The following HPS3 variants were observed in gnomAD, a reference collection of about 807,000 sequenced individuals.
HPS3 encodes the protein HPS3 biogenesis of lysosomal organelles complex 2 subunit 1.
A neutral mutation model predicts 110.9 loss-of-function variants in HPS3; 79 were observed. The observed-to-expected ratio is 0.71, with a 90% CI of 0.59 to 0.86. The LOEUF (loss-of-function observed/expected upper bound fraction) is 0.86, where lower values mean the gene tolerates loss of function less well. Among genes scored for constraint, HPS3 ranks in the 40% least tolerant of loss-of-function variants. The probability of loss-of-function intolerance (pLI) is 0.00; values close to 1 mark genes in which losing one functional copy is unlikely to be tolerated. For missense variants in HPS3, 1,197 were observed against 1,206.2 expected, an observed-to-expected ratio of 0.99 and a Z score of 0.11; for synonymous variants, 428 against 451.0, an observed-to-expected ratio of 0.95 and a Z score of 0.65.
Position 149,162,305 on chromosome 3 carries a change from G to C in HPS3, c.2264G>C (p.Gly755Ala). The C allele has an allele frequency of 1.2e-6, 2 of 1,613,942 alleles. No homozygotes were observed. The highest frequency in any genetic ancestry group is 1.7e-6 in the Non-Finnish European group (2 of 1,179,904). The change falls in exon 12 of 17, where the codon GGA becomes GCA. Residue 755 changes from glycine (G) to alanine (A), a missense_variant. Gly to Ala is a moderately conservative substitution (Grantham distance 60). Transcript: ENST00000296051. ...VLGLQKNNKI[G>A]IEEADSFFKV... ...GGCTTGCAGAAGAACAACAAAATTG[G>C]AATTGAAGAAGCAGATTCCTTTTTT...
chr3:149,155,730 T>C (rs1723420964), intron 8 of HPS3, among the ~76,000 whole-genome samples: 1 of 152,134 alleles, frequency 6.6e-6, no homozygotes, highest in African/African-American at 2.4e-5. Flanking sequence ...AACTCTTTAT[T>C]TTGAAACAAT....
rs1360046176 is a variant in HPS3 at position 149,150,628 on chromosome 3, G to A, written c.1193G>A (p.Cys398Tyr). The change falls in exon 6 of 17, where the codon TGC becomes TAC. Residue 398 changes from cysteine (C) to tyrosine (Y), a missense_variant. Cys to Tyr is a radical substitution (Grantham distance 194). Transcript: ENST00000296051. Reference sequence around the variant, plus strand: ...AACCTGCAGTGTTTCACTGTGCGGTGCAGTGCGGCGGCAGCTCGTGAGGAG... The same window carrying A: ...AACCTGCAGTGTTTCACTGTGCGGTACAGTGCGGCGGCAGCTCGTGAGGAG... ...SNNLQCFTVR[C>Y]SAAAAREEDP... 1 of 1,614,118 alleles carries A rather than the reference G, an allele frequency of 6.2e-7. No individual in the cohort carries two copies. Among genetic ancestry groups the A allele is most frequent in the Admixed American group, 1.7e-5 (1 of 60,016 alleles).
At chr3:149,168,056 A>G in intron 16 of HPS3, 73 bp downstream of exon 16, 1 of 917,030 alleles carries the variant, frequency 1.1e-6, no homozygotes, top group South Asian at 1.4e-5. Context: ...CTTCTTAAGT[A>G]TTTTCATGTG....
At position 149,155,172 on chromosome 3, in the gene HPS3, A is replaced by G. The variant is rs759932177; in HGVS notation, c.1466A>G (p.Tyr489Cys). The G allele has an allele frequency of 6.2e-7, 1 of 1,605,246 alleles. No homozygotes were observed. Among genetic ancestry groups the G allele is most frequent in the Non-Finnish European group, 8.5e-7 (1 of 1,171,930 alleles). The change falls in exon 8 of 17, where the codon TAT (tyrosine) becomes TGT (cysteine). Residue 489 changes from tyrosine to cysteine, a missense_variant. By Grantham distance (194) the Tyr-to-Cys change is radical. Transcript: ENST00000296051. ...GTAGCTGAGGCTGGGTGGAATTTGT[A>G]TATTGTGAATACGATCTCACCAGTG... ...PPVAEAGWNL[Y>C]IVNTISPVQL...
intron 16 of HPS3, 48 bp from the exon 17 acceptor site, chr3:149,172,047 A>G (rs908683360): frequency 6.3e-7 from 1 of 1,591,076 alleles, no homozygotes; most frequent in Admixed American, 1.7e-5. Context: ...AAGAGATTGA[A>G]TGAAAGACAG....
intron 7 of HPS3, chr3:149,153,893 A>G (rs1723286909): frequency 1.9e-6 from 1 of 535,138 alleles, no homozygotes; most frequent in South Asian, 2.1e-5. Context: ...AAGGTGTTTT[A>G]GATTAGTTAA....
intron 5 of HPS3, among the ~76,000 whole-genome samples, chr3:149,147,261 G>A (rs1416565635): frequency 6.6e-6 from 1 of 152,190 alleles, no homozygotes; most frequent in Non-Finnish European, 1.5e-5. Flanking sequence ...ATAATGCTAA[G>A]TAGGCTTTTG....
intron 4 of HPS3, among the ~76,000 whole-genome samples, chr3:149,142,521 C>T (rs1722535581): frequency 6.6e-6 from 1 of 152,176 alleles, no homozygotes; most frequent in African/African-American, 2.4e-5. Context: ...AAAAACTCCC[C>T]AAGAGTCTAA....
intron 7 of HPS3, 21 bp from the exon 8 acceptor site, chr3:149,155,086 T>G (rs1723359857): frequency 8.3e-7 from 1 of 1,201,412 alleles, no homozygotes; most frequent in South Asian, 1.2e-5. Context: ...TTAAAATTCT[T>G]GTCCTTTGTT....
chr3:149,151,942 T>G (rs1723156112), intron 6 of HPS3, among the ~76,000 whole-genome samples: 1 of 152,214 alleles, frequency 6.6e-6, no homozygotes, highest in Admixed American at 6.5e-5. Context: ...GTGTCTGAGA[T>G]ACTCTTTCAC....
At chr3:149,166,109 C>A in intron 14 of HPS3, 1 of 425,310 alleles carries the variant, frequency 2.4e-6, no homozygotes, top group Non-Finnish European at 4.7e-6. Context: ...CATCTTTATC[C>A]TGGAGAAAGG....
intron 5 of HPS3, among the ~76,000 whole-genome samples, chr3:149,149,920 G>A (rs1346819094): frequency 2.0e-5 from 3 of 152,170 alleles, no homozygotes; most frequent in Non-Finnish European, 4.4e-5. Flanking sequence ...AAGCAGCCTG[G>A]AGTTGTGGAA....
chr3:149,160,062 T>G lies in HPS3; in HGVS notation c.1889T>G (p.Val630Gly). ...EELNEELAAK[V>G]VQMFYVAEPK... The stretch of plus-strand genomic sequence containing the variant: ...TCACCAAAGGAATTAGCAGCAAAAG[T>G]GGTTCAGATGTTTTATGTGGCTGAG... Residue 630 changes from valine (V) to glycine (G), a missense_variant, in exon 11 of 17, where the codon GTG becomes GGG. Transcript: ENST00000296051. 1 of 1,613,718 alleles carries G rather than the reference T, an allele frequency of 6.2e-7. No individual in the cohort carries two copies. Among genetic ancestry groups the G allele is most frequent in the Non-Finnish European group, 8.5e-7 (1 of 1,179,652 alleles).
At position 149,152,258 on chromosome 3, in the gene HPS3, G is replaced by A. The variant is rs528212402; in HGVS notation, c.1246-1236G>A. ...TTGTCCTCTTCTTTCCCCTCCTTGC[G>A]TTTTCAAACCTCAGAAAGACATAGG... On this transcript the variant is annotated intron_variant, in intron 6 of 16. Transcript: ENST00000296051. Among the ~76,000 whole-genome samples, 29 of 152,196 alleles carry A rather than the reference G, an allele frequency of 1.9e-4. 1 individual carries two copies. Among genetic ancestry groups the A allele is most frequent in the South Asian group, 1.2e-3 (6 of 4,824 alleles).
At chr3:149,150,242 A>T (rs746146426) in intron 5 of HPS3, among the ~76,000 whole-genome samples, 4 of 152,160 alleles carry the variant, frequency 2.6e-5, no homozygotes, top group Non-Finnish European at 5.9e-5. Flanking sequence ...TTGGGCAGGT[A>T]CTGGGGGCAT....
chr3:149,162,296 A>C lies in HPS3; in HGVS notation c.2255A>C (p.Asn752Thr), dbSNP rs575460100. The C allele has an allele frequency of 1.2e-6, 2 of 1,614,056 alleles. No individual in the cohort carries two copies. The highest frequency in any genetic ancestry group is 1.7e-5 in the Admixed American group (1 of 59,990). Residue 752 changes from asparagine to threonine, a missense_variant, in exon 12 of 17, where the codon AAC (asparagine) becomes ACC (threonine). By Grantham distance (65) the Asn-to-Thr change is moderately conservative. Coordinates refer to ENST00000296051, the MANE Select transcript of HPS3 (RefSeq NM_032383.5). ...VASVLGLQKN[N>T]KIGIEEADSF... The stretch of plus-strand genomic sequence containing the variant: ...TCAGTTCTGGGCTTGCAGAAGAACA[A>C]CAAAATTGGAATTGAAGAAGCAGAT...
intron 6 of HPS3, 87 bp from the exon 7 acceptor site, chr3:149,153,407 A>T: frequency 8.4e-7 from 1 of 1,191,032 alleles, no homozygotes; most frequent in Non-Finnish European, 1.2e-6. Flanking sequence ...AGCAGAAGAG[A>T]TTTGATCAAA....
chr3:149,137,788 T>C (rs1439617768), intron 1 of HPS3, among the ~76,000 whole-genome samples: 2 of 152,142 alleles, frequency 1.3e-5, no homozygotes, highest in African/African-American at 4.8e-5. Context: ...AGAGATAGTA[T>C]AATGGTGGTC....
chr3:149,169,038 C>CGTGTGTGTGTGTGTGT (rs34076994), intron 16 of HPS3, among the ~76,000 whole-genome samples: 19 of 149,810 alleles, frequency 1.3e-4, no homozygotes, highest in African/African-American at 4.6e-4. Flanking sequence ...TGTGTGCATA[C>CGTGTGTGTGTGTGTGT]GTGTGTGTGT....
Sources: allele counts gnomAD v4.1 joint callset (sites outside exome capture counted in the v4.1 genomes callset), GRCh38; gene constraint gnomAD v4.1.1; transcripts MANE v1.5; gene names NCBI Gene and HGNC (gene_info 2026-07-23, HGNC 2026-07-21).